Variants in LRRFIP1 observed in about 807,000 individuals in gnomAD.
The protein encoded by LRRFIP1 is leucine-rich repeat flightless-interacting protein 1.
Under a neutral mutation model 104.4 loss-of-function variants are expected in LRRFIP1, and 62 were observed. That is an observed-to-expected ratio of 0.59 (90% CI 0.48 to 0.73). LRRFIP1 has a LOEUF of 0.73. Ranked by LOEUF, LRRFIP1 falls within the 30% of genes least tolerant of loss-of-function variation. The pLI, the probability that LRRFIP1 is intolerant of heterozygous loss-of-function variation, is 0.00. For synonymous variants in LRRFIP1, 300 were observed against 299.0 expected (o/e 1.00, Z -0.03); for missense variants, 796 against 824.5 (o/e 0.97, Z 0.42).
chr2:237,688,153 C>A (rs2092513906), intron 1 of LRRFIP1, among the ~76,000 whole-genome samples: 1 of 152,184 alleles, frequency 6.6e-6, no homozygotes, highest in Non-Finnish European at 1.5e-5. Context: ...ATATCACAGG[C>A]CTGGCAACTT....
intron 1 of LRRFIP1, among the ~76,000 whole-genome samples, chr2:237,655,177 C>T (rs1437868939): frequency 1.7e-5 from 1 of 59,860 alleles, no homozygotes; most frequent in Non-Finnish European, 3.3e-5. Flanking sequence ...GTGGCGGGAT[C>T]TAGGCTCACT....
At chr2:237,751,065 C>T (rs3769062) in intron 13 of LRRFIP1, 135 bp from the exon 14 acceptor site, 176,276 of 597,748 alleles carry the variant, frequency 0.29, 29,176 homozygotes, top group East Asian at 0.56. Context: ...TTTATTTTCC[C>T]TTAACGCTTA....
intron 1 of LRRFIP1, among the ~76,000 whole-genome samples, chr2:237,662,809 G>A (rs2088280753): frequency 6.6e-6 from 1 of 152,074 alleles, no homozygotes; most frequent in Non-Finnish European, 1.5e-5. Context: ...AGCTAAAACA[G>A]GCCCGGTGGG....
intron 1 of LRRFIP1, among the ~76,000 whole-genome samples, chr2:237,699,509 T>C (rs6720164): frequency 0.33 from 50,196 of 151,820 alleles, 10,249 homozygotes; most frequent in African/African-American, 0.58. Flanking sequence ...TGCGCCACCA[T>C]GCCCGGCTAA....
chr2:237,669,139 G>T (rs892104345), intron 1 of LRRFIP1, among the ~76,000 whole-genome samples: 12 of 152,318 alleles, frequency 7.9e-5, no homozygotes, highest in Admixed American at 2.0e-4. Flanking sequence ...TGAGGCTTTT[G>T]TGTTTGTTTA....
chr2:237,718,770 G>C (rs2094435203), intron 4 of LRRFIP1, among the ~76,000 whole-genome samples: 1 of 152,144 alleles, frequency 6.6e-6, no homozygotes, highest in African/African-American at 2.4e-5. Flanking sequence ...GGGTATAAAA[G>C]AGGTTCGCTC....
At chr2:237,708,373 A>G (rs1190882517) in intron 1 of LRRFIP1, among the ~76,000 whole-genome samples, 171 bp from the exon 2 acceptor site, 2 of 152,240 alleles carry the variant, frequency 1.3e-5, no homozygotes, top group Non-Finnish European at 2.9e-5. Context: ...AGCAGTTCTT[A>G]TAACTATTTC....
At chr2:237,737,000 C>T (rs987660792) in intron 10 of LRRFIP1, among the ~76,000 whole-genome samples, 10 of 152,174 alleles carry the variant, frequency 6.6e-5, no homozygotes, top group African/African-American at 2.2e-4. Flanking sequence ...GCGGCCCCGG[C>T]GCCCAGGCCT....
At chr2:237,753,979 A>G (rs1343866169) in intron 15 of LRRFIP1, among the ~76,000 whole-genome samples, 1 of 152,180 alleles carries the variant, frequency 6.6e-6, no homozygotes, top group Non-Finnish European at 1.5e-5. Flanking sequence ...TAAAAGTACC[A>G]TACTCTTTGC....
intron 1 of LRRFIP1, among the ~76,000 whole-genome samples, chr2:237,689,024 C>T (rs1417201359): frequency 6.6e-6 from 1 of 151,092 alleles, no homozygotes; most frequent in Non-Finnish European, 1.5e-5. Flanking sequence ...CCATTCACCA[C>T]CCTCACAATT....
intron 10 of LRRFIP1, among the ~76,000 whole-genome samples, chr2:237,738,580 A>G (rs2095324016): frequency 1.3e-5 from 2 of 152,238 alleles, no homozygotes; most frequent in Admixed American, 1.3e-4. Context: ...GTGAAAATGT[A>G]TCTAAGACTA....
intron 1 of LRRFIP1, among the ~76,000 whole-genome samples, chr2:237,668,227 A>G (rs546723771): frequency 6.6e-6 from 1 of 151,920 alleles, no homozygotes; most frequent in East Asian, 1.9e-4. Context: ...CTCCCAGTCC[A>G]TCTGCTTCCA....
intron 11 of LRRFIP1, among the ~76,000 whole-genome samples, chr2:237,740,798 C>T (rs994926797): frequency 6.6e-6 from 1 of 152,196 alleles, no homozygotes; most frequent in African/African-American, 2.4e-5. Context: ...ACTGCACAGC[C>T]TCCACCCCAC....
intron 23 of LRRFIP1, among the ~76,000 whole-genome samples, chr2:237,775,416 C>T (rs1333701319): frequency 6.6e-6 from 1 of 152,208 alleles, no homozygotes; most frequent in Non-Finnish European, 1.5e-5. Flanking sequence ...AGTGAGAGCA[C>T]CTCAGCCCGT....
At position 237,723,580 on chromosome 2, in the gene LRRFIP1, C is replaced by T. The variant is rs558342936; in HGVS notation, c.378C>T (p.Tyr126=). The change falls in exon 7 of 24, where the codon TAC becomes TAT. Residue 126 remains tyrosine (Y), a synonymous_variant. Coordinates refer to ENST00000308482, the MANE Select transcript of LRRFIP1 (RefSeq NM_001137550.2). The part of the protein sequence containing the change: ...SQPDLEYGGP[Y]AWTNGYDGEL... ...CTGACTTGGAGTATGGGGGTCCTTACGCCTGGGTGAGATGGTCGGATATAC... is the reference window on the plus strand; with the variant it reads ...CTGACTTGGAGTATGGGGGTCCTTATGCCTGGGTGAGATGGTCGGATATAC... 7.0e-5 allele frequency: 112 copies of T among 1,608,476 alleles called. No individual in the cohort carries two copies. The highest frequency in any genetic ancestry group is 2.7e-4 in the South Asian group (25 of 90,954).
chr2:237,768,399 CAA>C (rs1476898709), intron 19 of LRRFIP1: 1 of 152,136 alleles, frequency 6.6e-6, no homozygotes, highest in Non-Finnish European at 1.5e-5. Context: ...TAGAAGAAAA[CAA>C]TAACAATTGT....
intron 1 of LRRFIP1, among the ~76,000 whole-genome samples, chr2:237,646,714 C>T (rs1199859844): frequency 6.6e-6 from 1 of 151,900 alleles, no homozygotes; most frequent in African/African-American, 2.4e-5. Flanking sequence ...CCTCCGCATG[C>T]ACACACAGTG....
intron 20 of LRRFIP1, 27 bp downstream of exon 20, chr2:237,770,019 G>A (rs778646599): frequency 3.0e-5 from 48 of 1,582,390 alleles, no homozygotes; most frequent in Admixed American, 1.8e-4. Flanking sequence ...TACTTTACCG[G>A]TTCATGAACA....
In LRRFIP1 at chr2:237,781,338, G is replaced by A. The variant is rs576649149; in HGVS notation, c.*1806G>A. ...TTCATTTGCACGGAAATTCTATGAG[G>A]TAGATGCTGTTATCAAATCCACATT... On this transcript the variant is annotated 3_prime_UTR_variant, in exon 24 of 24. Transcript: ENST00000308482. Among the ~76,000 whole-genome samples the A allele has an allele frequency of 5.9e-5, 9 of 152,212 alleles. No individual in the cohort carries two copies. The highest frequency in any genetic ancestry group is 1.3e-4 in the Admixed American group (2 of 15,280).
Sources: gnomAD v4.1 joint callset for allele counts (sites outside exome capture counted in the v4.1 genomes callset) on GRCh38, gnomAD v4.1.1 for gene constraint, MANE v1.5 for transcripts, NCBI Gene and HGNC (gene_info 2026-07-23, HGNC 2026-07-21) for gene names.